The following CKAP5 variants were observed in gnomAD, a reference collection of about 807,000 sequenced individuals.
CKAP5 encodes cytoskeleton associated protein 5, also known as cytoskeleton-associated protein 5.
A neutral mutation model predicts 232.8 loss-of-function variants in CKAP5; 27 were observed. The ratio of observed to expected loss-of-function variants is 0.12; its 90% confidence interval spans 0.09 to 0.16. CKAP5 has a LOEUF of 0.16. CKAP5 is among the 10% of genes least tolerant of loss of function. CKAP5 has a pLI of 1.00. For synonymous variants in CKAP5, 785 were observed against 841.1 expected, an observed-to-expected ratio of 0.93 and a Z score of 1.16; for missense variants, 1,838 against 2,424.7, an observed-to-expected ratio of 0.76 and a Z score of 5.08.
chr11:46,762,927 G>A (rs368623049), intron 30 of CKAP5, 49 bp downstream of exon 30: 1 of 1,530,686 alleles, frequency 6.5e-7, no homozygotes, highest in African/African-American at 1.4e-5. Flanking sequence ...CAGAAACTGA[G>A]GTCAGCTGGG....
At chr11:46,844,448 A>C (rs888596984) in intron 1 of CKAP5, among the ~76,000 whole-genome samples, 3 of 152,160 alleles carry the variant, frequency 2.0e-5, no homozygotes, top group Non-Finnish European at 2.9e-5. Flanking sequence ...AAAACACCAA[A>C]AAAACAGGTG....
intron 7 of CKAP5, 86 bp from the exon 8 acceptor site, chr11:46,808,230 T>C (rs1939199992): frequency 3.3e-6 from 3 of 907,404 alleles, no homozygotes; most frequent in Non-Finnish European, 5.1e-6. Flanking sequence ...AATTCAAAGA[T>C]ACATAATTTT....
At chr11:46,748,618 C>A (rs1427367846) in intron 42 of CKAP5, among the ~76,000 whole-genome samples, 1 of 151,874 alleles carries the variant, frequency 6.6e-6, no homozygotes, top group East Asian at 2.0e-4. Flanking sequence ...ACTAAAAATA[C>A]AAAAATTAGC....
At chr11:46,747,601 CAA>C (rs560103390) in intron 42 of CKAP5, among the ~76,000 whole-genome samples, 17 of 62,220 alleles carry the variant, frequency 2.7e-4, no homozygotes, top group Middle Eastern at 0.011. Flanking sequence ...GACTTCATCT[CAA>C]AAAAAAAAAA....
chr11:46,767,848 T>C (rs2065215661), intron 26 of CKAP5, among the ~76,000 whole-genome samples, 185 bp from the exon 27 acceptor site: 1 of 152,134 alleles, frequency 6.6e-6, no homozygotes, highest in African/African-American at 2.4e-5. Context: ...TGGAGTACAG[T>C]GGTGCCTTCA....
At chr11:46,766,554 T>C (rs779343468) in intron 27 of CKAP5, among the ~76,000 whole-genome samples, 3 of 152,206 alleles carry the variant, frequency 2.0e-5, no homozygotes, top group Non-Finnish European at 4.4e-5. Flanking sequence ...ATACATGTAC[T>C]GGTTAAAAAA....
intron 1 of CKAP5, among the ~76,000 whole-genome samples, chr11:46,821,718 C>T (rs1320178028): frequency 1.3e-5 from 2 of 151,880 alleles, no homozygotes; most frequent in Non-Finnish European, 2.9e-5. Flanking sequence ...CCACCGCGCC[C>T]GGCCAATAGA....
intron 1 of CKAP5, among the ~76,000 whole-genome samples, chr11:46,837,672 C>T (rs760606397): frequency 2.6e-5 from 4 of 151,746 alleles, no homozygotes; most frequent in Non-Finnish European, 4.4e-5. Context: ...TACAAATACG[C>T]GCACACACAC....
In CKAP5 at chr11:46,777,525, G is replaced by T; in HGVS notation, c.2776C>A (p.Gln926Lys). The change falls in exon 23 of 44, where the codon CAA becomes AAA. Residue 926 changes from glutamine (Q) to lysine (K), a missense_variant. Gln to Lys is a moderately conservative substitution (Grantham distance 53). Around this residue, in one of 6 missense-constraint regions of CKAP5, gnomAD observed 767 missense variants for 954.6 expected, o/e 0.80. Transcript: ENST00000529230. ...TTTGGGCCCATGGCTACTGCCAGTT[G>T]TTGCAGGATATTCAGCGTTTGCTGT... ...LVQQTLNILQ[Q>K]LAVAMGPNIK... 1.9e-6 allele frequency: 3 copies of T among 1,613,636 alleles called. No individual in the cohort carries two copies. Among genetic ancestry groups the T allele is most frequent in the Non-Finnish European group, 2.5e-6 (3 of 1,179,632 alleles).
In CKAP5 at chr11:46,759,257, A is replaced by C; in HGVS notation, c.4568+12T>G. On this transcript the variant is annotated intron_variant, in intron 34 of 43. Transcript: ENST00000529230. ...TGAACTGCTCATATTTAAATGAAAG[A>C]GTTTAACTCACTTGGGTTCAGGAAT... The C allele has an allele frequency of 6.2e-7, 1 of 1,608,064 alleles. No homozygotes were observed. Among genetic ancestry groups the C allele is most frequent in the Non-Finnish European group, 8.5e-7 (1 of 1,177,244 alleles).
rs565252536 is a variant in CKAP5, at chr11:46,744,548, C to A, written c.5734G>T (p.Val1912Leu). 2 of 1,614,088 alleles carry A rather than the reference C, an allele frequency of 1.2e-6. No individual in the cohort carries two copies. Among genetic ancestry groups the A allele is most frequent in the South Asian group, 2.2e-5 (2 of 91,084 alleles). ...GISPQMEVTC[V>L]PTPTSTVSSI... The stretch of plus-strand genomic sequence containing the variant: ...GACACTGTGCTTGTGGGCGTGGGCA[C>A]ACATGTGACTTCCATCTGAGGGGAG... Residue 1912 changes from valine to leucine, a missense_variant, in exon 43 of 44, where the codon GTG becomes TTG. Val to Leu is a conservative substitution (Grantham distance 32). Coordinates refer to ENST00000529230, the MANE Select transcript of CKAP5 (RefSeq NM_001008938.4).
chr11:46,845,534 AAGT>A (rs1197345930), intron 1 of CKAP5, among the ~76,000 whole-genome samples: 5 of 152,304 alleles, frequency 3.3e-5, no homozygotes, highest in African/African-American at 1.2e-4. Context: ...GAGAGCTCAA[AAGT>A]AAGAATCTAG....
At chr11:46,826,606 A>G (rs977028556) in intron 1 of CKAP5, among the ~76,000 whole-genome samples, 5 of 152,044 alleles carry the variant, frequency 3.3e-5, no homozygotes, top group Non-Finnish European at 7.4e-5. Context: ...CCAGAAGTAG[A>G]GCAGATACCC....
At chr11:46,745,616 A>T (rs1008546936) in intron 42 of CKAP5, among the ~76,000 whole-genome samples, 12 of 152,128 alleles carry the variant, frequency 7.9e-5, no homozygotes, top group African/African-American at 2.7e-4. Flanking sequence ...ACCACACTTT[A>T]ACTCCTAAGA....
intron 20 of CKAP5, among the ~76,000 whole-genome samples, chr11:46,779,380 G>A (rs1395865057): frequency 2.0e-5 from 3 of 152,126 alleles, no homozygotes; most frequent in African/African-American, 2.4e-5. Context: ...TGATCTGCCC[G>A]CCTTGGCCTC....
rs536983016 is a variant in CKAP5 at position 46,751,073 on chromosome 11, C to T, written c.5460+45G>A. On this transcript the variant is annotated intron_variant, in intron 40 of 43. Coordinates refer to ENST00000529230, the MANE Select transcript of CKAP5 (RefSeq NM_001008938.4). Reference sequence around the variant, plus strand: ...CCTACACCTTAGATAAGATCACTTCCGGTGTAGCCTCATGTCCCTCAATCT... The same window carrying T: ...CCTACACCTTAGATAAGATCACTTCTGGTGTAGCCTCATGTCCCTCAATCT... 38 of 1,609,268 alleles carry T rather than the reference C, an allele frequency of 2.4e-5. 1 individual carries two copies. The Middle Eastern group carries it at 5.0e-4, about 21-fold the overall frequency.
chr11:46,776,721 A>G (rs944017245), intron 23 of CKAP5, among the ~76,000 whole-genome samples: 3 of 152,208 alleles, frequency 2.0e-5, no homozygotes, highest in African/African-American at 7.2e-5. Context: ...TGTCTGCTAA[A>G]GAATGAAATT....
At chr11:46,773,623 A>G (rs1393547827) in intron 24 of CKAP5, among the ~76,000 whole-genome samples, 2 of 150,790 alleles carry the variant, frequency 1.3e-5, no homozygotes, top group Admixed American at 1.3e-4. Context: ...GCTCACTGCA[A>G]CCTCTGCCTC....
intron 1 of CKAP5, among the ~76,000 whole-genome samples, chr11:46,845,876 C>T (rs1940176808): frequency 6.6e-6 from 1 of 152,166 alleles, no homozygotes; most frequent in South Asian, 2.1e-4. Context: ...AGGGCCGGCT[C>T]TCGGGGCCCC....
Sources: gnomAD v4.1 joint callset for allele counts (sites outside exome capture counted in the v4.1 genomes callset) on GRCh38, gnomAD v4.1.1 for gene constraint, gnomAD v4.1.1 regional missense constraint, MANE v1.5 for transcripts, NCBI Gene and HGNC (gene_info 2026-07-23, HGNC 2026-07-21) for gene names.